Variants in GNLY observed in about 807,000 individuals in gnomAD.
The protein encoded by GNLY is granulysin, also known as T-cell activation protein 519.
Under a neutral mutation model 18.5 loss-of-function variants are expected in GNLY, and 15 were observed. The observed-to-expected ratio is 0.81, with a 90% CI of 0.54 to 1.25. GNLY has a LOEUF of 1.25. GNLY is among the 50% of genes most tolerant of loss of function. The pLI is 0.00. For missense variants in GNLY, 178 were observed against 186.9 expected (o/e 0.95, Z 0.28); for synonymous variants, 77 against 74.9 (o/e 1.03, Z -0.14).
At chr2:85,695,818 C>T in intron 2 of GNLY, 140 bp from the exon 3 acceptor site, 1 of 631,120 alleles carries the variant, frequency 1.6e-6, no homozygotes. Context: ...CCAGTTCAGG[C>T]CTTCAGTGTA....
chr2:85,698,367 G>C (rs568178331), intron 4 of GNLY, 197 bp from the exon 5 acceptor site: 1 of 837,312 alleles, frequency 1.2e-6, no homozygotes, highest in South Asian at 1.4e-5. Context: ...ACCATTTCCT[G>C]TCATTGGAGC....
At chr2:85,695,282 C>A (rs368107084) in intron 1 of GNLY, 38 bp from the exon 2 acceptor site, 2 of 1,430,518 alleles carry the variant, frequency 1.4e-6, no homozygotes, top group Admixed American at 1.7e-5. Flanking sequence ...CCTCTCCTTC[C>A]GCCTGCGGAG....
chr2:85,694,627 A>G (rs1297704762), intron 1 of GNLY, 157 bp downstream of exon 1: 16 of 1,049,574 alleles, frequency 1.5e-5, no homozygotes, highest in Non-Finnish European at 2.2e-5. Context: ...CCTCAGAGCC[A>G]GGCTTAGTCC....
At chr2:85,698,369 C>T (rs1265616366) in intron 4 of GNLY, 195 bp from the exon 5 acceptor site, 7 of 844,482 alleles carry the variant, frequency 8.3e-6, no homozygotes, top group Non-Finnish European at 1.4e-5. Flanking sequence ...CATTTCCTGT[C>T]ATTGGAGCTT....
Position 85,695,332 on chromosome 2 carries a change from C to T in GNLY, c.65C>T (p.Ser22Phe). The T allele has an allele frequency of 6.2e-7, 1 of 1,610,560 alleles. No individual in the cohort carries two copies. Among genetic ancestry groups the T allele is most frequent in the Non-Finnish European group, 8.5e-7 (1 of 1,176,694 alleles). ...MLLGNPGLVF[S>F]RLSPEYYDLA... is the part of the protein sequence containing the mutation. Reference sequence around the variant, plus strand: ...TGGTCTTCCTCAGGTCTGGTCTTCTCTCGTCTGAGCCCTGAGTACTACGAC... The same window carrying T: ...TGGTCTTCCTCAGGTCTGGTCTTCTTTCGTCTGAGCCCTGAGTACTACGAC... The change falls in exon 2 of 5, where the codon TCT (serine) becomes TTT (phenylalanine). Residue 22 changes from serine (S) to phenylalanine (F), a missense_variant. By Grantham distance (155) the Ser-to-Phe change is radical. Coordinates refer to ENST00000263863, the MANE Select transcript of GNLY (RefSeq NM_006433.5).
At chr2:85,694,940 AG>A in intron 1 of GNLY, 1 of 1,584,796 alleles carries the variant, frequency 6.3e-7, no homozygotes, top group Non-Finnish European at 8.6e-7. Flanking sequence ...GTGAGCCCCA[AG>A]GGCAAGAACA....
intron 1 of GNLY, chr2:85,695,021 G>T: frequency 6.3e-7 from 1 of 1,575,412 alleles, no homozygotes; most frequent in Non-Finnish European, 8.6e-7. Flanking sequence ...TCCCTTGAAA[G>T]GAGATTGAGG....
In GNLY at chr2:85,698,460, G is replaced by A. The variant is rs572637249; in HGVS notation, c.428-104G>A. 4.4e-6 allele frequency: 7 copies of A among 1,601,588 alleles called. No homozygotes were observed. The East Asian group carries it at 6.7e-5, about 15-fold the overall frequency. On this transcript the variant is annotated intron_variant, in intron 4 of 4. Coordinates refer to ENST00000263863, the MANE Select transcript of GNLY (RefSeq NM_006433.5). ...GATGTGCCTCTGGGTGTGTTCAGTA[G>A]GGTCAGGTGGCTCTGGGACCTTAAG...
chr2:85,697,784 G>A, intron 4 of GNLY, 107 bp downstream of exon 4: 2 of 757,984 alleles, frequency 2.6e-6, no homozygotes, highest in Admixed American at 2.5e-5. Context: ...GCTTGGGAAA[G>A]TGTGGAGAAT....
Position 85,695,372 on chromosome 2 carries a change from C to T in GNLY, c.105C>T (p.His35=). ...AGTACTACGACCTGGCAAGAGCCCA[C>T]CTGCGTGATGAGGAGAAATCCTGCC... ...SPEYYDLARA[H]LRDEEKSCPC... Residue 35 remains histidine (H), a synonymous_variant, in exon 2 of 5, where the codon CAC becomes CAT. Coordinates refer to ENST00000263863, the MANE Select transcript of GNLY (RefSeq NM_006433.5). The T allele has an allele frequency of 6.2e-7, 1 of 1,614,016 alleles. No homozygotes were observed. Among genetic ancestry groups the T allele is most frequent in the Non-Finnish European group, 8.5e-7 (1 of 1,179,826 alleles).
chr2:85,695,894 T>A (rs1200632414), intron 2 of GNLY, 64 bp from the exon 3 acceptor site: 1 of 896,360 alleles, frequency 1.1e-6, no homozygotes, highest in African/African-American at 1.6e-5. Context: ...GCCCCTTTCC[T>A]GGGCACTTTC....
At chr2:85,698,104 C>A (rs548001563) in intron 4 of GNLY, among the ~76,000 whole-genome samples, 12 of 152,366 alleles carry the variant, frequency 7.9e-5, no homozygotes, top group Non-Finnish European at 1.3e-4. Flanking sequence ...CCCAGCCCAG[C>A]ACAGGCCCCT....
rs1047006983 is a variant in GNLY, at chr2:85,698,578, C to T, written c.*4C>T. ...CTCCTCTCCAGGTCCCCTCTGAGCC[C>T]TCTCACCTTGTCCTGTGGAAGAAGC... On this transcript the variant is annotated 3_prime_UTR_variant, in exon 5 of 5. Transcript: ENST00000263863. The T allele has an allele frequency of 3.7e-6, 6 of 1,613,468 alleles. No individual in the cohort carries two copies. The Admixed American group carries it at 6.7e-5, about 18-fold the overall frequency.
intron 1 of GNLY, chr2:85,694,794 A>G: frequency 6.2e-6 from 9 of 1,449,596 alleles, no homozygotes; most frequent in Non-Finnish European, 8.1e-6. Context: ...ATTGGCCCTC[A>G]TCGGTGGATC....
At chr2:85,696,280 A>G (rs1407251062) in intron 3 of GNLY, 4 of 515,308 alleles carry the variant, frequency 7.8e-6, no homozygotes, top group South Asian at 2.6e-5. Flanking sequence ...CAGAGTATAC[A>G]TGGTTTTCAT....
Position 85,695,413 on chromosome 2 carries a change from A to T in GNLY, c.146A>T (p.Glu49Val), listed in dbSNP as rs1395965203. Residue 49 changes from glutamate (E) to valine (V), a missense_variant, in exon 2 of 5, where the codon GAG (glutamate) becomes GTG (valine). Coordinates refer to ENST00000263863, the MANE Select transcript of GNLY (RefSeq NM_006433.5). ...EEKSCPCLAQ[E>V]GPQGDLLTKT... ...AAATCCTGCCCGTGCCTGGCCCAGG[A>T]GGGCCCCCAGGTACGTGTTGGCTCT... 6.3e-7 allele frequency: 1 copy of T among 1,598,984 alleles called. No individual in the cohort carries two copies. Among genetic ancestry groups the T allele is most frequent in the African/African-American group, 1.3e-5 (1 of 74,676 alleles).
intron 4 of GNLY, 187 bp from the exon 5 acceptor site, chr2:85,698,377 C>T (rs776185989): frequency 3.7e-5 from 33 of 885,446 alleles, no homozygotes; most frequent in Admixed American, 9.4e-5. Flanking sequence ...GTCATTGGAG[C>T]TTGTGGCTTT....
Position 85,698,687 on chromosome 2 carries a change from C to T in GNLY, c.*113C>T. ...CTCGATCCAGAATCCACTCTCCAGT[C>T]TCCCTCCCCTGACTCCCTCTGCTGT... On this transcript the variant is annotated 3_prime_UTR_variant, in exon 5 of 5. Transcript: ENST00000263863. 1 of 1,602,422 alleles carries T rather than the reference C, an allele frequency of 6.2e-7. No individual in the cohort carries two copies. Among genetic ancestry groups the T allele is most frequent in the Non-Finnish European group, 8.5e-7 (1 of 1,176,846 alleles).
intron 4 of GNLY, 92 bp downstream of exon 4, chr2:85,697,769 T>A: frequency 1.2e-6 from 1 of 849,494 alleles, no homozygotes; most frequent in South Asian, 1.6e-5. Flanking sequence ...CTCCCCCATC[T>A]CCCAGCTTGG....
Sources: gnomAD v4.1 joint callset for allele counts (sites outside exome capture counted in the v4.1 genomes callset) on GRCh38, gnomAD v4.1.1 for gene constraint, MANE v1.5 for transcripts, NCBI Gene and HGNC (gene_info 2026-07-23, HGNC 2026-07-21) for gene names.